Variants in CELF2 observed in about 807,000 individuals in gnomAD.
CELF2 encodes the protein CUG triplet repeat RNA-binding protein 2.
CELF2 carries 8 observed loss-of-function variants against 62.6 expected under a neutral mutation model. The ratio of observed to expected loss-of-function variants is 0.13; its 90% CI spans 0.07 to 0.23. The LOEUF (loss-of-function observed/expected upper bound fraction) is 0.23, where lower values mean the gene tolerates loss of function less well. Ranked by LOEUF, CELF2 falls within the 10% of genes least tolerant of loss-of-function variation. The probability of loss-of-function intolerance (pLI) is 1.00; values close to 1 mark genes in which losing one functional copy is unlikely to be tolerated. For synonymous variants in CELF2, 258 were observed against 250.0 expected (o/e 1.03, Z -0.30); for missense variants, 333 against 671.0 (o/e 0.50, Z 5.56).
chr10:10,839,478 C>CAGAATGTTA (rs1407752140), intron 1 of CELF2, among the ~76,000 whole-genome samples: 2 of 152,198 alleles, frequency 1.3e-5, no homozygotes, highest in African/African-American at 4.8e-5. Flanking sequence ...ATAGTGGTTT[C>CAGAATGTTA]AGAATGTTAA....
chr10:11,021,624 C>G (rs2058333420), intron 1 of CELF2, among the ~76,000 whole-genome samples: 1 of 152,124 alleles, frequency 6.6e-6, no homozygotes. Flanking sequence ...TTATTCACAC[C>G]GTCTCTAATC....
Position 11,297,833 on chromosome 10 carries a change from T to A in CELF2, c.976+9281T>A, listed in dbSNP as rs1047945264. Reference sequence around the variant, plus strand: ...CTGTCTATACTAAAAATACAAAAATTAGCCGGGTATGGTGGTGCACACCTG... The same window carrying A: ...CTGTCTATACTAAAAATACAAAAATAAGCCGGGTATGGTGGTGCACACCTG... On this transcript the variant is annotated intron_variant, in intron 9 of 12. Coordinates refer to ENST00000633077, the MANE Select transcript of CELF2 (RefSeq NM_001326342.2). The surrounding 1 kb of genome is among the most constrained non-coding windows in gnomAD (Gnocchi z 4.4). Among the ~76,000 whole-genome samples the A allele has an allele frequency of 6.6e-6, 1 of 151,814 alleles. No homozygotes were observed. Among genetic ancestry groups the A allele is most frequent in the Non-Finnish European group, 1.5e-5 (1 of 67,954 alleles).
the CELF2 span, among the ~76,000 whole-genome samples, chr10:10,577,849 A>T: frequency 2.0e-5 from 3 of 152,122 alleles, no homozygotes; most frequent in African/African-American, 7.2e-5. Context: ...TAGCAGCATG[A>T]TTTATAGTCC....
intron 1 of CELF2, among the ~76,000 whole-genome samples, chr10:11,059,395 A>C (rs912536462): frequency 2.1e-5 from 3 of 143,476 alleles, no homozygotes; most frequent in African/African-American, 5.3e-5. Flanking sequence ...CATTTTACTA[A>C]GGTGGGGAGC....
chr10:10,562,346 A>G, the CELF2 span, among the ~76,000 whole-genome samples: 1 of 152,210 alleles, frequency 6.6e-6, no homozygotes, highest in African/African-American at 2.4e-5. Flanking sequence ...GTTATGCACA[A>G]TTAGTGATGA....
intron 2 of CELF2, chr10:10,923,124 G>C (rs1257933230): frequency 1.3e-5 from 2 of 152,166 alleles, no homozygotes; most frequent in Non-Finnish European, 1.5e-5. Flanking sequence ...GGAAAACAAG[G>C]CACCTGTAGT....
At chr10:10,605,795 G>T in the CELF2 span, among the ~76,000 whole-genome samples, 1 of 152,224 alleles carries the variant, frequency 6.6e-6, no homozygotes, top group East Asian at 1.9e-4. Flanking sequence ...TATGCCCAGT[G>T]CCAGGCATGC....
chr10:11,070,511 A>G (rs529086416), intron 1 of CELF2, among the ~76,000 whole-genome samples: 1 of 152,336 alleles, frequency 6.6e-6, no homozygotes, highest in South Asian at 2.1e-4. Context: ...TTGTGCATAC[A>G]GGACTGGGCC....
chr10:11,271,398 G>C (rs1190943951), intron 7 of CELF2, among the ~76,000 whole-genome samples: 1 of 152,090 alleles, frequency 6.6e-6, no homozygotes, highest in Non-Finnish European at 1.5e-5. Flanking sequence ...ATTTCACTTT[G>C]TGTCTTTATT....
intron 2 of CELF2, among the ~76,000 whole-genome samples, chr10:10,922,201 C>G (rs113017381): frequency 5.3e-5 from 8 of 152,158 alleles, no homozygotes; most frequent in African/African-American, 1.9e-4. Flanking sequence ...AGAAACATTT[C>G]CATCATGTGC....
chr10:10,670,651 A>T, the CELF2 span, among the ~76,000 whole-genome samples: 42 of 152,276 alleles, frequency 2.8e-4, no homozygotes, highest in East Asian at 5.8e-3. Context: ...GGTATTGTAC[A>T]TTCTATGGAT....
At chr10:10,546,980 G>A in the CELF2 span, among the ~76,000 whole-genome samples, 7 of 152,034 alleles carry the variant, frequency 4.6e-5, no homozygotes, top group Admixed American at 1.3e-4. Context: ...GGTGGCATGC[G>A]CCTGTGATCC....
At chr10:10,596,512 T>G in the CELF2 span, among the ~76,000 whole-genome samples, 1 of 152,110 alleles carries the variant, frequency 6.6e-6, no homozygotes, top group Non-Finnish European at 1.5e-5. Context: ...GGAGACCCAG[T>G]TGCTACTGCA....
intron 2 of CELF2, among the ~76,000 whole-genome samples, chr10:11,189,946 G>A (rs1460324965): frequency 6.6e-6 from 1 of 152,082 alleles, no homozygotes; most frequent in Non-Finnish European, 1.5e-5. Context: ...CATTCCTACA[G>A]ATTTGTTAAC....
chr10:10,932,123 T>A (rs2066133551), intron 2 of CELF2, among the ~76,000 whole-genome samples: 1 of 151,992 alleles, frequency 6.6e-6, no homozygotes, highest in African/African-American at 2.4e-5. Flanking sequence ...ACTAATGACA[T>A]CCTTGATCAA....
chr10:10,572,384 C>A, the CELF2 span, among the ~76,000 whole-genome samples: 1 of 151,504 alleles, frequency 6.6e-6, no homozygotes, highest in Non-Finnish European at 1.5e-5. Flanking sequence ...GGCATGTGTA[C>A]AGGAGATGCA....
chr10:10,735,800 C>T, the CELF2 span, among the ~76,000 whole-genome samples: 2 of 152,116 alleles, frequency 1.3e-5, no homozygotes, highest in Non-Finnish European at 2.9e-5. Context: ...AATTATTCCC[C>T]CTCACCCTTC....
At chr10:10,820,233 C>T (rs1037293202) in intron 1 of CELF2, among the ~76,000 whole-genome samples, 4 of 152,092 alleles carry the variant, frequency 2.6e-5, no homozygotes, top group African/African-American at 4.8e-5. Context: ...GTTTCGGGTA[C>T]GTCTTTATCA....
the CELF2 span, among the ~76,000 whole-genome samples, chr10:10,675,196 T>G: frequency 1.1e-4 from 16 of 152,186 alleles, no homozygotes; most frequent in Admixed American, 6.5e-5. Flanking sequence ...TCCCTCAATT[T>G]TTATTTTTCT....
Sources: allele counts gnomAD v4.1 joint callset (sites outside exome capture counted in the v4.1 genomes callset), GRCh38; gene constraint gnomAD v4.1.1; non-coding constraint Gnocchi (gnomAD v3.1); transcripts MANE v1.5; gene names NCBI Gene and HGNC (gene_info 2026-07-23, HGNC 2026-07-21).